The following CADPS variants were observed in gnomAD, a reference collection of about 807,000 sequenced individuals.
CADPS encodes calcium-dependent secretion activator 1.
In CADPS, 57 loss-of-function variants were observed where a neutral mutation model predicts 167.3. The ratio of observed to expected loss-of-function variants is 0.34; its 90% confidence interval spans 0.28 to 0.42. The LOEUF (loss-of-function observed/expected upper bound fraction) is 0.42, where lower values mean the gene tolerates loss of function less well. Among genes scored for constraint, CADPS ranks in the 20% least tolerant of loss-of-function variants. CADPS has a pLI of 1.00. For synonymous variants in CADPS, 676 were observed against 635.3 expected, an observed-to-expected ratio of 1.06 and a Z score of -0.96; for missense variants, 1,414 against 1,738.1, an observed-to-expected ratio of 0.81 and a Z score of 3.32.
intron 10 of CADPS, among the ~76,000 whole-genome samples, chr3:62,553,794 A>G (rs2077681457): frequency 1.3e-5 from 2 of 152,208 alleles, no homozygotes; most frequent in Admixed American, 1.3e-4. Context: ...AACATCCACA[A>G]AGTGAAGATC....
At chr3:62,703,233 C>T (rs2081739169) in intron 3 of CADPS, among the ~76,000 whole-genome samples, 2 of 152,074 alleles carry the variant, frequency 1.3e-5, no homozygotes, top group South Asian at 2.1e-4. Flanking sequence ...AATCTATGAA[C>T]ATTTACTTGA....
At chr3:62,474,151 G>GTTTTTTTTTTTTTTTTTTTTTT (rs770935132) in intron 24 of CADPS, 22 bp downstream of exon 24, 2 of 497,522 alleles carry the variant, frequency 4.0e-6, no homozygotes, top group Admixed American at 6.6e-5. Flanking sequence ...AAAAAAATCT[G>GTTTTTTTTTTTTTTTTTTTTTT]TATTTTTTTT....
At chr3:62,406,209 G>C (rs991810653) in intron 28 of CADPS, among the ~76,000 whole-genome samples, 1 of 152,172 alleles carries the variant, frequency 6.6e-6, no homozygotes, top group African/African-American at 2.4e-5. Context: ...ATAGGCCTTC[G>C]TGGGGGATTT....
intron 1 of CADPS, among the ~76,000 whole-genome samples, chr3:62,836,694 T>C (rs966883500): frequency 1.3e-5 from 2 of 152,130 alleles, no homozygotes; most frequent in African/African-American, 4.8e-5. Flanking sequence ...ATTTTTAAAG[T>C]ACACTGTACC....
chr3:62,780,334 T>G (rs550393248), intron 1 of CADPS, among the ~76,000 whole-genome samples: 15 of 152,202 alleles, frequency 9.9e-5, no homozygotes, highest in South Asian at 6.2e-4. Flanking sequence ...GGGAGAATTG[T>G]TTGAGCCCAG....
At chr3:62,509,063 G>A (rs1390889973) in intron 17 of CADPS, among the ~76,000 whole-genome samples, 1 of 151,908 alleles carries the variant, frequency 6.6e-6, no homozygotes, top group African/African-American at 2.4e-5. Context: ...AGCACTTTAG[G>A]AGGCCGAGGT....
intron 1 of CADPS, among the ~76,000 whole-genome samples, chr3:62,770,671 C>G (rs141375348): frequency 1.5e-3 from 234 of 152,338 alleles, no homozygotes; most frequent in African/African-American, 5.6e-3. Flanking sequence ...AGTGATCCAC[C>G]TGCCTTGGCC....
At chr3:62,796,312 A>G (rs570873906) in intron 1 of CADPS, 1 of 152,162 alleles carries the variant, frequency 6.6e-6, no homozygotes, top group Non-Finnish European at 1.5e-5. Flanking sequence ...CAGCACAGAC[A>G]CCAACTGGCA....
intron 28 of CADPS, among the ~76,000 whole-genome samples, chr3:62,425,635 A>G (rs1297545068): frequency 6.6e-6 from 1 of 152,190 alleles, no homozygotes; most frequent in Non-Finnish European, 1.5e-5. Context: ...TTAGCCCTCA[A>G]GTTTCTCGAG....
chr3:62,428,993 T>C (rs2053372297), intron 28 of CADPS, among the ~76,000 whole-genome samples: 1 of 152,254 alleles, frequency 6.6e-6, no homozygotes, highest in Non-Finnish European at 1.5e-5. Flanking sequence ...TAGAAGTATT[T>C]TTGAAACTGA....
chr3:62,456,268 T>C (rs2058673359), intron 26 of CADPS, among the ~76,000 whole-genome samples: 1 of 152,208 alleles, frequency 6.6e-6, no homozygotes, highest in African/African-American at 2.4e-5. Flanking sequence ...TAGTTACTTA[T>C]TATTCCTCCT....
intron 1 of CADPS, among the ~76,000 whole-genome samples, chr3:62,772,716 G>A (rs2089223468): frequency 6.6e-6 from 1 of 152,128 alleles, no homozygotes; most frequent in Non-Finnish European, 1.5e-5. Flanking sequence ...AATAGTCATG[G>A]AAGAAGGCAT....
At chr3:62,595,616 A>T (rs1433779150) in intron 6 of CADPS, among the ~76,000 whole-genome samples, 2 of 152,188 alleles carry the variant, frequency 1.3e-5, no homozygotes, top group African/African-American at 4.8e-5. Flanking sequence ...AGTAATAGTG[A>T]TTATTGCTTA....
In CADPS at chr3:62,874,895, G is replaced by T. The variant is rs774712790; in HGVS notation, c.135C>A (p.Ser45Arg). The change falls in exon 1 of 30, where the codon AGC becomes AGA. Residue 45 changes from serine to arginine, a missense_variant. Transcript: ENST00000383710. The surrounding 1 kb of genome is among the most constrained non-coding windows in gnomAD (Gnocchi z 7.1). ...PSRTSEGSAG[S>R]AGLGGGGAGA... ...CGGCGCCGCCGCCCCCCAGCCCGGC[G>T]CTGCCGGCCGAGCCCTCGCTGGTAC... The T allele has an allele frequency of 6.0e-6, 8 of 1,335,948 alleles. No individual in the cohort carries two copies. Among genetic ancestry groups the T allele is most frequent in the Middle Eastern group, 2.5e-4 (1 of 4,072 alleles). 82.8% of individuals were successfully genotyped at this position (1,335,948 alleles called of 1,614,324 possible).
At chr3:62,829,327 T>G (rs2074639991) in intron 1 of CADPS, among the ~76,000 whole-genome samples, 1 of 152,178 alleles carries the variant, frequency 6.6e-6, no homozygotes, top group African/African-American at 2.4e-5. Context: ...TTAGGTATTA[T>G]AAGTAATCTA....
At chr3:62,651,809 T>G (rs2070225504) in intron 4 of CADPS, among the ~76,000 whole-genome samples, 1 of 152,158 alleles carries the variant, frequency 6.6e-6, no homozygotes, top group Admixed American at 6.5e-5. Flanking sequence ...TCCCAAACAG[T>G]CATTTACCAC....
intron 24 of CADPS, among the ~76,000 whole-genome samples, chr3:62,473,077 A>G (rs2060817792): frequency 1.3e-5 from 2 of 152,198 alleles, no homozygotes; most frequent in African/African-American, 4.8e-5. Flanking sequence ...ACACTGAAAC[A>G]TGAGAACCAC....
chr3:62,557,454 T>C lies in CADPS; in HGVS notation c.1704A>G (p.Glu568=), dbSNP rs1415728855. Residue 568 remains glutamate, a synonymous_variant, in exon 10 of 30, where the codon GAA becomes GAG. Transcript: ENST00000383710. ...CAGTGTAGCCATCCAATTGTAGAAG[T>C]TCCTGAGGCTCCGCTTTCTTCTCCC... ...SYREKKAEPQ[E]LLQLDGYTVD... is the part of the protein sequence containing the mutation. The C allele has an allele frequency of 6.2e-7, 1 of 1,613,982 alleles. No individual in the cohort carries two copies. The highest frequency in any genetic ancestry group is 2.2e-5 in the East Asian group (1 of 44,876).
At chr3:62,532,554 A>T (rs796259567) in intron 13 of CADPS, among the ~76,000 whole-genome samples, 4 of 152,308 alleles carry the variant, frequency 2.6e-5, no homozygotes, top group African/African-American at 9.6e-5. Context: ...TTTACAGACG[A>T]GAAAACCGTG....
Sources: allele counts gnomAD v4.1 joint callset (sites outside exome capture counted in the v4.1 genomes callset), GRCh38; gene constraint gnomAD v4.1.1; non-coding constraint Gnocchi (gnomAD v3.1); transcripts MANE v1.5; gene names NCBI Gene and HGNC (gene_info 2026-07-23, HGNC 2026-07-21).